Variants in ITGB5 observed in about 807,000 individuals in gnomAD.
ITGB5 encodes integrin beta-5.
Under a neutral mutation model 84.8 loss-of-function variants are expected in ITGB5, and 38 were observed. The observed-to-expected ratio is 0.45, with a 90% CI of 0.35 to 0.59. The LOEUF (loss-of-function observed/expected upper bound fraction) is 0.59. Ranked by LOEUF, ITGB5 falls within the 20% of genes least tolerant of loss-of-function variation. ITGB5 has a pLI of 0.01. For missense variants in ITGB5, 905 were observed against 1,034.5 expected, an observed-to-expected ratio of 0.87 and a Z score of 1.72; for synonymous variants, 393 against 414.4, an observed-to-expected ratio of 0.95 and a Z score of 0.63.
intron 1 of ITGB5, among the ~76,000 whole-genome samples, chr3:124,883,927 T>C (rs1043767517): frequency 1.3e-5 from 2 of 151,410 alleles, no homozygotes; most frequent in Admixed American, 1.3e-4. Context: ...CGGGAGGGGG[T>C]TGTCAGCCGG....
At chr3:124,764,225 G>T (rs1362279963) in intron 14 of ITGB5, among the ~76,000 whole-genome samples, 166 bp downstream of exon 14, 2 of 152,190 alleles carry the variant, frequency 1.3e-5, no homozygotes, top group African/African-American at 2.4e-5. Flanking sequence ...CTGCACTGGG[G>T]CTGTGCAATT....
intron 2 of ITGB5, among the ~76,000 whole-genome samples, chr3:124,863,824 A>T (rs1325950739): frequency 6.6e-6 from 1 of 152,030 alleles, no homozygotes; most frequent in East Asian, 1.9e-4. Flanking sequence ...TAGATATTTT[A>T]ATTTTGAACA....
chr3:124,811,668 T>G (rs1368190890), intron 8 of ITGB5, among the ~76,000 whole-genome samples: 1 of 152,210 alleles, frequency 6.6e-6, no homozygotes, highest in South Asian at 2.1e-4. Flanking sequence ...TGGACTCTTA[T>G]GTTCTACTCA....
intron 9 of ITGB5, among the ~76,000 whole-genome samples, chr3:124,801,334 A>G (rs748315037): frequency 1.3e-5 from 2 of 152,214 alleles, no homozygotes; most frequent in Non-Finnish European, 2.9e-5. Context: ...ACTGGGAAAG[A>G]GAATCTCACT....
In ITGB5 at chr3:124,817,657, G is replaced by A; in HGVS notation, c.1092C>T (p.Ser364=). ...TAATAATCAGTTGAATAATATTTTT[G>A]GAGTCTCCATCTAAAATCTCCACCG... ...GTTVEILDGD[S]KNIIQLIINA... is the part of the protein sequence containing the mutation. Residue 364 remains serine (S), a synonymous_variant, in exon 8 of 15, where the codon TCC becomes TCT. Transcript: ENST00000296181. 1 of 1,589,828 alleles carries A rather than the reference G, an allele frequency of 6.3e-7. No homozygotes were observed. The highest frequency in any genetic ancestry group is 8.6e-7 in the Non-Finnish European group (1 of 1,166,894).
intron 5 of ITGB5, among the ~76,000 whole-genome samples, chr3:124,822,495 T>C (rs1284179134): frequency 6.6e-6 from 1 of 152,172 alleles, no homozygotes; most frequent in East Asian, 1.9e-4. Context: ...CTCTTACTTA[T>C]CATCATAATG....
chr3:124,890,595 T>C (rs1350982010), upstream of ITGB5, among the ~76,000 whole-genome samples: 2 of 152,150 alleles, frequency 1.3e-5, no homozygotes, highest in Non-Finnish European at 2.9e-5. Context: ...TGTTGAAATA[T>C]CAGTTTGATC....
chr3:124,802,417 G>T (rs552265305), intron 9 of ITGB5, among the ~76,000 whole-genome samples: 12 of 152,164 alleles, frequency 7.9e-5, no homozygotes, highest in Non-Finnish European at 1.6e-4. Context: ...TTGGGCCAGG[G>T]TTAAGAAAAC....
chr3:124,892,490 G>A (rs1264635456), upstream of ITGB5, among the ~76,000 whole-genome samples: 9 of 143,544 alleles, frequency 6.3e-5, no homozygotes, highest in African/African-American at 2.3e-4. Context: ...AGGAGTTCGA[G>A]ACCAGCCTGG....
chr3:124,887,533 C>G (rs1208537492), upstream of ITGB5: 1 of 238,946 alleles, frequency 4.2e-6, no homozygotes, highest in Non-Finnish European at 8.9e-6. Context: ...CCAGCTCCGC[C>G]CTGTGCGGGG....
intron 9 of ITGB5, among the ~76,000 whole-genome samples, chr3:124,805,322 T>G (rs958766816): frequency 1.6e-4 from 24 of 151,934 alleles, no homozygotes; most frequent in African/African-American, 3.9e-4. Flanking sequence ...TTTGTATTTT[T>G]GGGGGAGACT....
chr3:124,821,408 T>C lies in ITGB5; in HGVS notation c.847A>G (p.Ile283Val), dbSNP rs1303153867. The C allele has an allele frequency of 6.2e-7, 1 of 1,614,242 alleles. No homozygotes were observed. The highest frequency in any genetic ancestry group is 1.1e-5 in the South Asian group (1 of 91,088). Residue 283 changes from isoleucine (I) to valine (V), a missense_variant, in exon 6 of 15, where the codon ATC becomes GTC. Transcript: ENST00000296181. ...LVFTTDDVPH[I>V]ALDGKLGGLV... Reference sequence around the variant, plus strand: ...CCTCCCAATTTTCCATCCAATGCGATGTGGGGCACATCATCTGTTGTGAAC... The same window carrying C: ...CCTCCCAATTTTCCATCCAATGCGACGTGGGGCACATCATCTGTTGTGAAC...
chr3:124,814,478 T>TA (rs71625774), intron 8 of ITGB5, among the ~76,000 whole-genome samples: 206 of 134,960 alleles, frequency 1.5e-3, no homozygotes, highest in Middle Eastern at 3.9e-3. Flanking sequence ...TTTTCCAATT[T>TA]AAAAAAAAAA....
intron 5 of ITGB5, among the ~76,000 whole-genome samples, chr3:124,836,672 T>G (rs768098102): frequency 1.1e-4 from 17 of 152,234 alleles, no homozygotes; most frequent in Middle Eastern, 3.4e-3. Context: ...GGAACAACCC[T>G]TATCAGAGTC....
intron 3 of ITGB5, among the ~76,000 whole-genome samples, chr3:124,857,709 T>C (rs1461305624): frequency 6.6e-6 from 1 of 152,226 alleles, no homozygotes; most frequent in Non-Finnish European, 1.5e-5. Flanking sequence ...AGGCTTCTAA[T>C]ATGCAGAATA....
intron 10 of ITGB5, chr3:124,787,339 C>T (rs2064096246): frequency 6.6e-6 from 1 of 152,162 alleles, no homozygotes; most frequent in Non-Finnish European, 1.5e-5. Flanking sequence ...CTGAGCTAAG[C>T]TCAGAGCACC....
chr3:124,885,781 A>G (rs1377371238), intron 1 of ITGB5, among the ~76,000 whole-genome samples: 1 of 152,034 alleles, frequency 6.6e-6, no homozygotes, highest in Non-Finnish European at 1.5e-5. Flanking sequence ...AAAACCAAAA[A>G]CCTTGCTACA....
chr3:124,792,936 C>T (rs1043893130), intron 10 of ITGB5: 2 of 152,072 alleles, frequency 1.3e-5, no homozygotes, highest in African/African-American at 4.8e-5. Flanking sequence ...GACCAGTATT[C>T]CCCACTGAGG....
chr3:124,860,051 T>C (rs973546600), intron 2 of ITGB5, among the ~76,000 whole-genome samples: 7 of 152,202 alleles, frequency 4.6e-5, no homozygotes, highest in South Asian at 2.1e-4. Context: ...TTCACAGGCA[T>C]TGGATGCTGG....
Sources: gnomAD v4.1 joint callset for allele counts (sites outside exome capture counted in the v4.1 genomes callset) on GRCh38, gnomAD v4.1.1 for gene constraint, MANE v1.5 for transcripts, NCBI Gene and HGNC (gene_info 2026-07-23, HGNC 2026-07-21) for gene names.